The following UBA5 variants were observed in gnomAD, a reference collection of about 807,000 sequenced individuals.
The protein encoded by UBA5 is ubiquitin-like modifier-activating enzyme 5.
UBA5 carries 28 observed loss-of-function variants against 52.9 expected under a neutral mutation model. That is an observed-to-expected ratio of 0.53 (90% CI 0.39 to 0.73). The LOEUF is 0.73. Among genes scored for constraint, UBA5 ranks in the 30% least tolerant of loss-of-function variants. The probability of loss-of-function intolerance (pLI) is 0.00; values close to 1 mark genes in which losing one functional copy is unlikely to be tolerated. For missense variants in UBA5, 388 were observed against 492.7 expected, an observed-to-expected ratio of 0.79 and a Z score of 2.01; for synonymous variants, 135 against 162.1, an observed-to-expected ratio of 0.83 and a Z score of 1.27.
upstream of UBA5, among the ~76,000 whole-genome samples, chr3:132,657,953 C>T (rs1396915739): frequency 6.6e-6 from 1 of 150,392 alleles, no homozygotes; most frequent in African/African-American, 2.4e-5. Context: ...ACCTCCCTCT[C>T]CTGGTTCAAG....
In UBA5 at chr3:132,670,263, A is replaced by C; in HGVS notation, c.473A>C (p.Gln158Pro). 1.4e-6 allele frequency: 2 copies of C among 1,454,190 alleles called. No homozygotes were observed. Among genetic ancestry groups the C allele is most frequent in the Non-Finnish European group, 1.9e-6 (2 of 1,045,896 alleles). 90.1% of individuals were successfully genotyped at this position (1,454,190 alleles called of 1,614,324 possible). The change falls in exon 5 of 12, where the codon CAA (glutamine) becomes CCA (proline). Residue 158 changes from glutamine (Q) to proline (P), a missense_variant. Transcript: ENST00000356232. ...AATATAACCACAGTGGAAAACTTTC[A>C]ACATTTCATGGATAGAATAAGGTAA... is the stretch of plus-strand genomic sequence containing the variant. ...NYNITTVENF[Q>P]HFMDRISNGG... is the part of the protein sequence containing the mutation.
chr3:132,665,726 T>C (rs111682823), intron 1 of UBA5, 97 bp from the exon 2 acceptor site: 15 of 1,197,124 alleles, frequency 1.3e-5, no homozygotes, highest in African/African-American at 7.6e-5. Context: ...GTAATGATTA[T>C]ATTTTGGTGT....
intron 4 of UBA5, 30 bp from the exon 5 acceptor site, chr3:132,670,168 G>A: frequency 1.8e-6 from 2 of 1,084,632 alleles, no homozygotes; most frequent in East Asian, 2.5e-5. Flanking sequence ...AGGATTACAG[G>A]CTTATAATCA....
At chr3:132,657,415 T>A (rs1444750096), upstream of UBA5, among the ~76,000 whole-genome samples, 2 of 152,206 alleles carry the variant, frequency 1.3e-5, no homozygotes, top group Non-Finnish European at 2.9e-5. Flanking sequence ...CTGCTATCCT[T>A]AGCCCTTCGC....
chr3:132,670,389 AT>A, intron 5 of UBA5, 105 bp downstream of exon 5: 2 of 539,396 alleles, frequency 3.7e-6, no homozygotes. Flanking sequence ...ATTGATATAT[AT>A]TTTTCCATTT....
rs755535417 is a variant in UBA5, at chr3:132,660,525, C to A, written c.-13C>A. The A allele has an allele frequency of 6.5e-7, 1 of 1,547,678 alleles. No homozygotes were observed. Among genetic ancestry groups the A allele is most frequent in the Non-Finnish European group, 8.7e-7 (1 of 1,146,650 alleles). On this transcript the variant is annotated 5_prime_UTR_variant, in exon 1 of 12. Transcript: ENST00000356232. This position sits in a 1 kb window ranked among gnomAD's most constrained non-coding sequence, Gnocchi z 4.1. ...GGCCCGGGCTGGGAGCGTTGGCGGC[C>A]GGAGTCCCAGCCATGGCGGAGTCTG...
At chr3:132,672,694 AT>A (rs1938656508) in intron 8 of UBA5, among the ~76,000 whole-genome samples, 3 of 152,208 alleles carry the variant, frequency 2.0e-5, no homozygotes, top group Admixed American at 6.5e-5. Context: ...AAATGTTAAC[AT>A]TTATATTAGT....
intron 4 of UBA5, 79 bp downstream of exon 4, chr3:132,669,006 C>A: frequency 1.0e-6 from 1 of 983,702 alleles, no homozygotes; most frequent in Non-Finnish European, 1.5e-6. Flanking sequence ...ATAAATGAAT[C>A]TTAATTTTTC....
At chr3:132,671,607 AAT>A (rs1398641481) in intron 6 of UBA5, among the ~76,000 whole-genome samples, 168 bp from the exon 7 acceptor site, 2 of 152,130 alleles carry the variant, frequency 1.3e-5, no homozygotes, top group Non-Finnish European at 2.9e-5. Flanking sequence ...CTACTCTTTA[AAT>A]AGAGTATGGT....
intron 8 of UBA5, among the ~76,000 whole-genome samples, chr3:132,673,007 C>T (rs1214323229): frequency 6.6e-6 from 1 of 152,062 alleles, no homozygotes; most frequent in East Asian, 1.9e-4. Context: ...CAAACTGCAA[C>T]AAGACACAAG....
At chr3:132,655,112 G>C (rs377564948) in intron 1 of UBA5, among the ~76,000 whole-genome samples, 1 of 152,108 alleles carries the variant, frequency 6.6e-6, no homozygotes, top group Non-Finnish European at 1.5e-5. Flanking sequence ...TATGCAGCCC[G>C]TCATTGACCA....
At chr3:132,658,598 G>A (rs1303107249), upstream of UBA5, among the ~76,000 whole-genome samples, 1 of 152,168 alleles carries the variant, frequency 6.6e-6, no homozygotes, top group African/African-American at 2.4e-5. Flanking sequence ...ACAACACAAG[G>A]CTTCTAGCCT....
chr3:132,659,716 G>C, upstream of UBA5: 2 of 1,609,136 alleles, frequency 1.2e-6, no homozygotes, highest in Non-Finnish European at 1.7e-6. Flanking sequence ...GCAGCACTTC[G>C]GCCAAATCGG....
chr3:132,670,046 C>T lies in UBA5; in HGVS notation c.408-152C>T, dbSNP rs76761227. ...CTTTTTAAAAACATTTTTTTAGAGA[C>T]AGGGTCTCACTCTGTCCCCCAGGTT... On this transcript the variant is annotated intron_variant, in intron 4 of 11. Transcript: ENST00000356232. 394 of 524,460 alleles carry T rather than the reference C, an allele frequency of 7.5e-4. 3 individuals are homozygous for T. In the East Asian group the frequency reaches 0.014, roughly 18 times the overall value. The allele number at this position is 524,460 out of a possible 1,614,324, so 32.5% of individuals were successfully genotyped here. A position where few individuals can be genotyped will look rare whatever the true frequency, so the allele number is the denominator to read the frequency against.
upstream of UBA5, chr3:132,659,871 A>G: frequency 8.0e-7 from 1 of 1,256,134 alleles, no homozygotes. Context: ...GTCTGGCTCC[A>G]GCCAACCGCA....
chr3:132,664,692 A>T (rs1230835117), intron 1 of UBA5, among the ~76,000 whole-genome samples: 1 of 152,128 alleles, frequency 6.6e-6, no homozygotes, highest in Non-Finnish European at 1.5e-5. Context: ...AGAACTAGTG[A>T]GCTATAGCAT....
chr3:132,661,858 A>C (rs967233230), intron 1 of UBA5, among the ~76,000 whole-genome samples: 1 of 152,248 alleles, frequency 6.6e-6, no homozygotes, highest in Non-Finnish European at 1.5e-5. Context: ...ATAAAGCCGC[A>C]GTAGAAGTCT....
At chr3:132,656,514 C>T (rs1345159992), upstream of UBA5, among the ~76,000 whole-genome samples, 6 of 146,822 alleles carry the variant, frequency 4.1e-5, no homozygotes, top group Admixed American at 6.8e-5. Flanking sequence ...TTTTTTGAGA[C>T]GGAGTCTGCC....
chr3:132,666,564 A>G (rs1221848224), intron 3 of UBA5, among the ~76,000 whole-genome samples: 3 of 152,144 alleles, frequency 2.0e-5, no homozygotes, highest in Non-Finnish European at 2.9e-5. Context: ...TTGTACCAGA[A>G]TTCAGTCTAC....
Sources: allele counts gnomAD v4.1 joint callset (sites outside exome capture counted in the v4.1 genomes callset), GRCh38; gene constraint gnomAD v4.1.1; non-coding constraint Gnocchi (gnomAD v3.1); transcripts MANE v1.5; gene names NCBI Gene and HGNC (gene_info 2026-07-23, HGNC 2026-07-21).